ADD1: variants seen among roughly 807,000 people sequenced by gnomAD.
ADD1 encodes alpha-adducin.
ADD1 carries 24 observed loss-of-function variants against 80.5 expected under a neutral mutation model. That is an observed-to-expected ratio of 0.30 (90% CI 0.22 to 0.42). ADD1 has a LOEUF of 0.42. Ranked by LOEUF, ADD1 falls within the 10% of genes least tolerant of loss-of-function variation. The pLI is 1.00. For missense variants in ADD1, 948 were observed against 1,019.0 expected (o/e 0.93, Z 0.95); for synonymous variants, 373 against 393.8 (o/e 0.95, Z 0.63).
At chr4:2,907,968 G>A in intron 11 of ADD1, 124 bp downstream of exon 11, 2 of 749,504 alleles carry the variant, frequency 2.7e-6, no homozygotes, top group Middle Eastern at 3.8e-4. Context: ...CACTGTTGCA[G>A]TGAAGCCATC....
Position 2,894,682 on chromosome 4 carries a change from G to A in ADD1, c.692G>A (p.Arg231His), listed in dbSNP as rs748201357. The change falls in exon 6 of 16, where the codon CGC becomes CAC. Residue 231 changes from arginine to histidine, a missense_variant. Coordinates refer to ENST00000683351, the MANE Select transcript of ADD1 (RefSeq NM_001354761.2). Reference sequence around the variant, plus strand: ...TTACACTCTGCAATTTATGCTGCACGCCCGGACGTGAAGTGCGTCGTGCAC... The same window carrying A: ...TTACACTCTGCAATTTATGCTGCACACCCGGACGTGAAGTGCGTCGTGCAC... ...FTLHSAIYAARPDVKCVVHIH... is the reference protein window; with the variant it reads ...FTLHSAIYAAHPDVKCVVHIH... The A allele has an allele frequency of 1.1e-5, 17 of 1,601,734 alleles. No homozygotes were observed. Among genetic ancestry groups the A allele is most frequent in the South Asian group, 2.3e-5 (2 of 87,918 alleles).
rs570770774 is a variant in ADD1 at position 2,909,362 on chromosome 4, G to A, written c.1722G>A (p.Thr574=). 5.2e-6 allele frequency: 8 copies of A among 1,550,452 alleles called. No homozygotes were observed. In the East Asian group the frequency reaches 9.8e-5, roughly 19 times the overall value. The change falls in exon 13 of 16, where the codon ACG becomes ACA. Residue 574 remains threonine, a synonymous_variant. Coordinates refer to ENST00000683351, the MANE Select transcript of ADD1 (RefSeq NM_001354761.2). ...AGGATGCACCTCTCTCTGACTGTAC[G>A]GAAACTATCGAAGGGCTCGAGCTTA... ...LVQDAPLSDC[T]ETIEGLELTE... is the part of the protein sequence containing the mutation.
intron 2 of ADD1, among the ~76,000 whole-genome samples, chr4:2,876,562 C>T (rs551584263): frequency 6.6e-5 from 10 of 151,500 alleles, no homozygotes; most frequent in African/African-American, 1.7e-4. Context: ...ATTGGCCAGG[C>T]GCGGTGGCTC....
chr4:2,851,872 G>T (rs1727132142), intron 1 of ADD1, among the ~76,000 whole-genome samples: 1 of 151,186 alleles, frequency 6.6e-6, no homozygotes. Flanking sequence ...ATGGAGTTTC[G>T]CTCTTGTTGC....
chr4:2,918,897 G>A (rs1018542395), intron 14 of ADD1, among the ~76,000 whole-genome samples: 1 of 151,154 alleles, frequency 6.6e-6, no homozygotes, highest in Non-Finnish European at 1.5e-5. Flanking sequence ...TGTCACCCAA[G>A]CTAGAGTGCA....
chr4:2,888,559 G>A lies in ADD1; in HGVS notation c.510+3893G>A, dbSNP rs1190350874. ...GCCTCCCAAGTAGCAGGGATTACAG[G>A]CACCTGCCACCACACACAGCTAATT... On this transcript the variant is annotated intron_variant, in intron 4 of 15. Transcript: ENST00000683351. Among the ~76,000 whole-genome samples the A allele has an allele frequency of 3.3e-5, 5 of 151,410 alleles. No homozygotes were observed. In the East Asian group the frequency reaches 7.8e-4, roughly 23 times the overall value.
At chr4:2,881,146 C>T (rs924679130) in intron 2 of ADD1, among the ~76,000 whole-genome samples, 5 of 132,036 alleles carry the variant, frequency 3.8e-5, no homozygotes, top group Non-Finnish European at 6.1e-5. Flanking sequence ...GGCCCAATCT[C>T]GGCTCACTGC....
chr4:2,847,040 C>T (rs1049359664), intron 1 of ADD1, among the ~76,000 whole-genome samples: 1 of 151,702 alleles, frequency 6.6e-6, no homozygotes, highest in African/African-American at 2.4e-5. Context: ...TGGCGTGAAC[C>T]CGGGAGGCGG....
At position 2,926,635 on chromosome 4, in the gene ADD1, C is replaced by G; in HGVS notation, c.2047+523C>G. 6.2e-7 allele frequency: 1 copy of G among 1,613,766 alleles called. No individual in the cohort carries two copies. Among genetic ancestry groups the G allele is most frequent in the Non-Finnish European group, 8.5e-7 (1 of 1,179,840 alleles). On this transcript the variant is annotated intron_variant, in intron 15 of 15. Transcript: ENST00000683351. This position sits in a 1 kb window ranked among gnomAD's most constrained non-coding sequence, Gnocchi z 5.0. ...CTTTTTTCTCCCTGTGGCTGCGTCA[C>G]AAGCAGGAGACGGATGCGCTAGAGA...
intron 1 of ADD1, among the ~76,000 whole-genome samples, chr4:2,866,672 G>A (rs968816742): frequency 3.2e-4 from 49 of 152,274 alleles, no homozygotes; most frequent in African/African-American, 1.1e-3. Flanking sequence ...AGCTCTTCCC[G>A]TGTTTACATT....
At chr4:2,845,833 G>A (rs1054099377) in intron 1 of ADD1, among the ~76,000 whole-genome samples, 41 of 152,318 alleles carry the variant, frequency 2.7e-4, no homozygotes, top group Admixed American at 6.5e-4. Context: ...TGCTTTGAAA[G>A]ATAACAAAAT....
At chr4:2,880,866 A>G (rs1249572468) in intron 2 of ADD1, among the ~76,000 whole-genome samples, 1 of 151,968 alleles carries the variant, frequency 6.6e-6, no homozygotes, top group South Asian at 2.1e-4. Context: ...GTGATTTTCT[A>G]TTAAAATCAC....
chr4:2,861,855 G>A (rs1178105146), intron 1 of ADD1, among the ~76,000 whole-genome samples: 2 of 152,220 alleles, frequency 1.3e-5, no homozygotes, highest in African/African-American at 4.8e-5. Context: ...TGTCCAACCT[G>A]TTGCCCACAT....
chr4:2,852,207 C>CTTTCCTTTCTTTCTTTCCTTT (rs1553815097), intron 1 of ADD1, among the ~76,000 whole-genome samples: 1 of 66,100 alleles, frequency 1.5e-5, no homozygotes, highest in Non-Finnish European at 3.0e-5. Flanking sequence ...TCCTTTCTTT[C>CTTTCCTTTCTTTCTTTCCTTT]CTTTCCTTTC....
chr4:2,845,403 T>C (rs1726051135), intron 1 of ADD1, among the ~76,000 whole-genome samples: 1 of 152,206 alleles, frequency 6.6e-6, no homozygotes, highest in Non-Finnish European at 1.5e-5. Context: ...CCTTTGATTT[T>C]GACAGTGGAG....
intron 14 of ADD1, among the ~76,000 whole-genome samples, chr4:2,918,593 G>C (rs1028240804): frequency 6.6e-6 from 1 of 152,158 alleles, no homozygotes; most frequent in Non-Finnish European, 1.5e-5. Context: ...TCTTGTGCCA[G>C]TTTTCAAAGG....
rs556312325 is a variant in ADD1 at position 2,928,369 on chromosome 4, C to T, written c.2246C>T (p.Pro749Leu). 31 of 1,613,526 alleles carry T rather than the reference C, an allele frequency of 1.9e-5. No individual in the cohort carries two copies. Among genetic ancestry groups the T allele is most frequent in the East Asian group, 4.5e-5 (2 of 44,854 alleles). Reference sequence around the variant, plus strand: ...CCCGAGCCAGCCCCAGACCCAGCCCCGGTGGCTGAAGAGGCTGCCCCCTCA... The same window carrying T: ...CCCGAGCCAGCCCCAGACCCAGCCCTGGTGGCTGAAGAGGCTGCCCCCTCA... ...ASPEPAPDPAPVAEEAAPSAV... is the reference protein window; with the variant it reads ...ASPEPAPDPALVAEEAAPSAV... Residue 749 changes from proline to leucine, a missense_variant, in exon 16 of 16, where the codon CCG becomes CTG. Physicochemically the swap from Pro to Leu is moderately conservative, Grantham distance 98. Coordinates refer to ENST00000683351, the MANE Select transcript of ADD1 (RefSeq NM_001354761.2).
intron 14 of ADD1, among the ~76,000 whole-genome samples, chr4:2,919,949 C>A (rs1356031436): frequency 6.6e-6 from 1 of 152,152 alleles, no homozygotes; most frequent in African/African-American, 2.4e-5. Context: ...TATTTTAGAT[C>A]TTTCCCTCTT....
rs932714609 is a variant in ADD1 at position 2,895,981 on chromosome 4, G to A, written c.741+1250G>A. ...CGGCTCACTGCAAGCTCTGCCTCCC[G>A]GGTTCACGCCATTCTCCTGCCTCAG... On this transcript the variant is annotated intron_variant, in intron 6 of 15. Transcript: ENST00000683351. Among the ~76,000 whole-genome samples the A allele has an allele frequency of 1.8e-4, 27 of 151,544 alleles. No individual in the cohort carries two copies. In the East Asian group the frequency reaches 3.1e-3, roughly 17 times the overall value.
Sources: allele counts gnomAD v4.1 joint callset (sites outside exome capture counted in the v4.1 genomes callset), GRCh38; gene constraint gnomAD v4.1.1; non-coding constraint Gnocchi (gnomAD v3.1); transcripts MANE v1.5; gene names NCBI Gene and HGNC (gene_info 2026-07-23, HGNC 2026-07-21).